Variants in NBAS observed in about 807,000 individuals in gnomAD.
The protein encoded by NBAS is NAG/BC035112 fusion.
Under a neutral mutation model 302.5 loss-of-function variants are expected in NBAS, and 219 were observed. The ratio of observed to expected loss-of-function variants is 0.72; its 90% CI spans 0.65 to 0.81. NBAS has a LOEUF of 0.81. Among genes scored for constraint, NBAS ranks in the 30% least tolerant of loss-of-function variants. The pLI is 0.00. For missense variants in NBAS, 2,932 were observed against 2,841.6 expected (o/e 1.03, Z -0.72); for synonymous variants, 1,118 against 1,021.6 (o/e 1.09, Z -1.80).
the NBAS span, among the ~76,000 whole-genome samples, chr2:14,808,958 C>A: frequency 4.6e-5 from 7 of 152,168 alleles, no homozygotes; most frequent in African/African-American, 1.7e-4. Context: ...AGCAAAGAAA[C>A]TGGTGGCATT....
At chr2:14,927,904 T>C in the NBAS span, among the ~76,000 whole-genome samples, 1 of 152,246 alleles carries the variant, frequency 6.6e-6, no homozygotes, top group Non-Finnish European at 1.5e-5. Context: ...ATTTGTTTTT[T>C]GTTACTTCTG....
chr2:14,911,518 C>T, the NBAS span, among the ~76,000 whole-genome samples: 2 of 152,092 alleles, frequency 1.3e-5, no homozygotes, highest in African/African-American at 2.4e-5. Context: ...GATAATGTAT[C>T]GGTTTTAGAG....
the NBAS span, among the ~76,000 whole-genome samples, chr2:14,997,492 G>T: frequency 1.3e-5 from 2 of 150,132 alleles, no homozygotes; most frequent in African/African-American, 2.5e-5. Flanking sequence ...CTTTATTGAG[G>T]TATAACTGAC....
the NBAS span, among the ~76,000 whole-genome samples, chr2:14,930,724 T>C: frequency 3.3e-5 from 5 of 152,182 alleles, no homozygotes; most frequent in Admixed American, 6.5e-5. Flanking sequence ...GGCTTTGACA[T>C]TGGACACTAC....
chr2:15,232,455 A>C lies in NBAS; in HGVS notation c.6203T>G (p.Val2068Gly). The C allele has an allele frequency of 6.2e-7, 1 of 1,614,130 alleles. No homozygotes were observed. Among genetic ancestry groups the C allele is most frequent in the African/African-American group, 1.3e-5 (1 of 75,044 alleles). ...PRDPLKVLEG[V>G]VAAVHASVDK... ...CACACTGGCGTGGACTGCTGCAACA[A>C]CACCTTCCAGGACCTTCAGTGGGTC... Residue 2068 changes from valine to glycine, a missense_variant, in exon 47 of 52, where the codon GTT (valine) becomes GGT (glycine). Coordinates refer to ENST00000281513, the MANE Select transcript of NBAS (RefSeq NM_015909.4).
chr2:14,959,456 G>C, the NBAS span, among the ~76,000 whole-genome samples: 1 of 152,160 alleles, frequency 6.6e-6, no homozygotes, highest in African/African-American at 2.4e-5. Flanking sequence ...TTGTGGACCA[G>C]AGCAATCTTT....
chr2:15,429,575 A>G (rs1348074122), intron 21 of NBAS, among the ~76,000 whole-genome samples: 1 of 152,168 alleles, frequency 6.6e-6, no homozygotes, highest in African/African-American at 2.4e-5. Context: ...AGGTCTGGGA[A>G]GGGGCAGTGA....
intron 32 of NBAS, 137 bp downstream of exon 32, chr2:15,366,443 G>C (rs1674201444): frequency 8.5e-6 from 7 of 822,634 alleles, no homozygotes; most frequent in South Asian, 5.8e-5. Flanking sequence ...ACTCCAGCCT[G>C]AGCAACAGAG....
chr2:15,133,885 G>A, the NBAS span, among the ~76,000 whole-genome samples: 293 of 152,232 alleles, frequency 1.9e-3, 3 homozygotes, highest in African/African-American at 6.9e-3. Context: ...CTTTATGAAT[G>A]TAGAGGATGA....
At chr2:15,519,823 T>C (rs568960261) in intron 9 of NBAS, among the ~76,000 whole-genome samples, 61 of 152,354 alleles carry the variant, frequency 4.0e-4, no homozygotes, top group Admixed American at 1.2e-3. Context: ...ACCACTGCTT[T>C]ACTTTATGTT....
chr2:15,273,640 C>G (rs900417827), intron 44 of NBAS, among the ~76,000 whole-genome samples: 23 of 152,194 alleles, frequency 1.5e-4, no homozygotes, highest in Admixed American at 7.8e-4. Flanking sequence ...GCCACAACCT[C>G]TGTCTCAAGG....
chr2:15,464,709 TTTG>T (rs1458397515), intron 19 of NBAS, among the ~76,000 whole-genome samples: 1 of 152,216 alleles, frequency 6.6e-6, no homozygotes, highest in Non-Finnish European at 1.5e-5. Context: ...TCCTTCACTT[TTTG>T]TTATTTCCTA....
intron 50 of NBAS, among the ~76,000 whole-genome samples, chr2:15,181,454 A>T (rs1664815303): frequency 6.6e-6 from 1 of 152,168 alleles, no homozygotes; most frequent in Admixed American, 6.5e-5. Context: ...ATCCTCTACT[A>T]TGTTTGTTTG....
chr2:15,071,036 T>C, the NBAS span, among the ~76,000 whole-genome samples: 3 of 152,086 alleles, frequency 2.0e-5, no homozygotes, highest in Non-Finnish European at 4.4e-5. Flanking sequence ...GTGTGGCAGA[T>C]GGATAGCATT....
At chr2:14,830,178 A>C in the NBAS span, among the ~76,000 whole-genome samples, 1 of 152,330 alleles carries the variant, frequency 6.6e-6, no homozygotes, top group Non-Finnish European at 1.5e-5. Context: ...AGCTTCTGTT[A>C]TACAATATCC....
At chr2:15,369,500 T>G (rs1379796110) in intron 31 of NBAS, among the ~76,000 whole-genome samples, 3 of 152,232 alleles carry the variant, frequency 2.0e-5, no homozygotes, top group Admixed American at 6.5e-5. Flanking sequence ...CCTGTTCAAA[T>G]GACTTTTTAC....
At chr2:15,184,718 C>G (rs1471243880) in intron 50 of NBAS, among the ~76,000 whole-genome samples, 1 of 152,166 alleles carries the variant, frequency 6.6e-6, no homozygotes, top group Non-Finnish European at 1.5e-5. Context: ...GATAGCAGTC[C>G]TCGGCCTGGG....
chr2:15,026,462 C>CAAA, the NBAS span, among the ~76,000 whole-genome samples: 5 of 4,534 alleles, frequency 1.1e-3, 1 homozygote, highest in African/African-American at 1.9e-3. Context: ...GACTCCGTCT[C>CAAA]AAAAAAAAAA....
At chr2:15,384,524 A>ACC (rs5829504) in intron 28 of NBAS, among the ~76,000 whole-genome samples, 3,465 of 146,340 alleles carry the variant, frequency 0.024, 123 homozygotes, top group African/African-American at 0.081. Context: ...ATATGAAAAG[A>ACC]CCCCCCCCCC....
Sources: allele counts gnomAD v4.1 joint callset (sites outside exome capture counted in the v4.1 genomes callset), GRCh38; gene constraint gnomAD v4.1.1; transcripts MANE v1.5; gene names NCBI Gene and HGNC (gene_info 2026-07-23, HGNC 2026-07-21).